Variants in PDE1C observed in about 807,000 individuals in gnomAD.
PDE1C encodes phosphodiesterase 1C.
PDE1C carries 62 observed loss-of-function variants against 93.1 expected under a neutral mutation model. The ratio of observed to expected loss-of-function variants is 0.67; its 90% CI spans 0.54 to 0.82. The LOEUF is 0.82. Ranked by LOEUF, PDE1C falls within the 40% of genes least tolerant of loss-of-function variation. PDE1C has a pLI of 0.00. For missense variants in PDE1C, 742 were observed against 884.6 expected, an observed-to-expected ratio of 0.84 and a Z score of 2.04; for synonymous variants, 325 against 310.1, an observed-to-expected ratio of 1.05 and a Z score of -0.50.
At chr7:32,323,508 G>A (rs1209353394) in intron 1 of PDE1C, among the ~76,000 whole-genome samples, 2 of 152,160 alleles carry the variant, frequency 1.3e-5, no homozygotes, top group East Asian at 3.9e-4. Flanking sequence ...GAGGGAGAGA[G>A]GCCTTGGGGA....
the PDE1C span, among the ~76,000 whole-genome samples, chr7:31,739,418 G>C: frequency 6.6e-6 from 1 of 152,140 alleles, no homozygotes; most frequent in Admixed American, 6.5e-5. Context: ...TTTTATAAAG[G>C]CTCCTGGAAG....
intron 7 of PDE1C, among the ~76,000 whole-genome samples, chr7:31,858,409 C>T (rs370525428): frequency 1.3e-5 from 2 of 152,162 alleles, no homozygotes; most frequent in African/African-American, 4.8e-5. Context: ...AACCTAGGCC[C>T]TTGGAGTGAG....
chr7:31,878,188 C>T (rs1796826348), intron 4 of PDE1C, 152 bp from the exon 5 acceptor site: 2 of 568,620 alleles, frequency 3.5e-6, no homozygotes, highest in Non-Finnish European at 6.1e-6. Flanking sequence ...TTAATATTCA[C>T]TCAGGTGGTC....
chr7:32,118,186 C>T (rs150583086), intron 3 of PDE1C, among the ~76,000 whole-genome samples: 1 of 152,252 alleles, frequency 6.6e-6, no homozygotes, highest in Non-Finnish European at 1.5e-5. Flanking sequence ...GGGGAAGGAT[C>T]CTGTGAGCAT....
intron 13 of PDE1C, 38 bp downstream of exon 13, chr7:31,824,829 G>T: frequency 6.2e-7 from 1 of 1,608,046 alleles, no homozygotes; most frequent in East Asian, 2.2e-5. Flanking sequence ...TCAAGGACAG[G>T]CCAACCTCAC....
rs553422378 is a variant in PDE1C, at chr7:32,178,373, G to C, written c.137-8417C>G. On this transcript the variant is annotated intron_variant, in intron 2 of 18. Transcript: ENST00000396193. ...TGACTCTCCACAAATGTGGGCAGAAGACTCTCCAGGGGCACTGGAAAGGTC... is the reference window on the plus strand; with the variant it reads ...TGACTCTCCACAAATGTGGGCAGAACACTCTCCAGGGGCACTGGAAAGGTC... Among the ~76,000 whole-genome samples, 3 of 152,300 alleles carry C rather than the reference G, an allele frequency of 2.0e-5. 1 individual carries two copies. The South Asian group carries it at 6.2e-4, about 32-fold the overall frequency.
Position 32,208,039 on chromosome 7 carries a change from T to C in PDE1C, c.136+1450A>G, listed in dbSNP as rs984382400. 1.8e-4 allele frequency among the ~76,000 whole-genome samples: 27 copies of C among 152,194 alleles called. 1 individual carries two copies. The highest frequency in any genetic ancestry group is 2.9e-5 in the Non-Finnish European group (2 of 68,042). ...GTTGAGCTGTGGGATGAAATATCTA[T>C]TTTGCAAATAATGATTCCAGGTAGG... is the stretch of plus-strand genomic sequence containing the variant. On this transcript the variant is annotated intron_variant, in intron 2 of 18. Transcript: ENST00000396193.
the PDE1C span, among the ~76,000 whole-genome samples, chr7:31,670,738 C>T: frequency 1.4e-4 from 21 of 152,178 alleles, no homozygotes; most frequent in South Asian, 3.5e-3. Flanking sequence ...AGCCTGGAAC[C>T]GCAGCCCAAA....
intron 2 of PDE1C, among the ~76,000 whole-genome samples, chr7:31,901,158 G>A (rs1464593926): frequency 6.8e-6 from 1 of 147,454 alleles, no homozygotes; most frequent in East Asian, 1.9e-4. Context: ...AAATGGTTAC[G>A]AATTATAGTC....
intron 3 of PDE1C, among the ~76,000 whole-genome samples, chr7:32,122,776 T>C (rs1563331373): frequency 6.6e-6 from 1 of 152,048 alleles, no homozygotes. Flanking sequence ...AGATCTCAAA[T>C]TGACACCCTA....
At chr7:31,628,672 G>T in the PDE1C span, among the ~76,000 whole-genome samples, 1 of 152,008 alleles carries the variant, frequency 6.6e-6, no homozygotes, top group African/African-American at 2.4e-5. Flanking sequence ...TAGCCAGGAT[G>T]GTCTCAATCT....
intron 1 of PDE1C, among the ~76,000 whole-genome samples, chr7:32,245,526 T>C (rs986888725): frequency 1.3e-5 from 2 of 152,164 alleles, no homozygotes; most frequent in Admixed American, 6.5e-5. Context: ...CCTCCTCTAC[T>C]ATCCTGTCTT....
At chr7:32,306,299 A>C (rs1442200576) in intron 1 of PDE1C, among the ~76,000 whole-genome samples, 1 of 152,186 alleles carries the variant, frequency 6.6e-6, no homozygotes, top group Non-Finnish European at 1.5e-5. Flanking sequence ...CCAGAATATT[A>C]TCAAAGCCTC....
At chr7:31,944,632 T>C (rs1206570819) in intron 2 of PDE1C, among the ~76,000 whole-genome samples, 1 of 152,230 alleles carries the variant, frequency 6.6e-6, no homozygotes, top group Non-Finnish European at 1.5e-5. Flanking sequence ...ACTGAAAGAA[T>C]TTTAAAACAC....
At chr7:31,634,838 C>T in the PDE1C span, among the ~76,000 whole-genome samples, 3,665 of 152,204 alleles carry the variant, frequency 0.024, 142 homozygotes, top group African/African-American at 0.083. Context: ...GAAGTCAAGG[C>T]CCCACTGGAG....
chr7:31,924,690 C>T (rs146075952), intron 2 of PDE1C, among the ~76,000 whole-genome samples: 456 of 152,320 alleles, frequency 3.0e-3, no homozygotes, highest in Non-Finnish European at 4.8e-3. Context: ...ACGTTTTACT[C>T]GATGCCTCTC....
At chr7:31,945,059 C>T (rs910676317) in intron 2 of PDE1C, among the ~76,000 whole-genome samples, 11 of 151,972 alleles carry the variant, frequency 7.2e-5, no homozygotes, top group African/African-American at 2.2e-4. Context: ...TAAAAATTTT[C>T]GTGGTGTCCC....
chr7:31,648,196 A>G, the PDE1C span, among the ~76,000 whole-genome samples: 2 of 152,204 alleles, frequency 1.3e-5, no homozygotes, highest in African/African-American at 4.8e-5. Flanking sequence ...GAGCATATTC[A>G]AAGTGAAAAT....
chr7:31,984,899 G>T (rs1383477427), intron 2 of PDE1C, among the ~76,000 whole-genome samples: 2 of 152,188 alleles, frequency 1.3e-5, no homozygotes, highest in Non-Finnish European at 2.9e-5. Flanking sequence ...AAAGCCCCAG[G>T]TTGGAAATCT....
Sources: gnomAD v4.1 joint callset for allele counts (sites outside exome capture counted in the v4.1 genomes callset) on GRCh38, gnomAD v4.1.1 for gene constraint, MANE v1.5 for transcripts, NCBI Gene and HGNC (gene_info 2026-07-23, HGNC 2026-07-21) for gene names.